SHROOM3: variants seen among roughly 807,000 people sequenced by gnomAD.
SHROOM3 encodes the protein shroom family member 3.
In SHROOM3, 47 loss-of-function variants were observed where a neutral mutation model predicts 138.6. The ratio of observed to expected loss-of-function variants is 0.34; its 90% confidence interval spans 0.27 to 0.43. SHROOM3 has a LOEUF of 0.43. SHROOM3 is among the 20% of genes least tolerant of loss of function. The probability of loss-of-function intolerance (pLI) is 1.00; values close to 1 mark genes in which losing one functional copy is unlikely to be tolerated. For missense variants in SHROOM3, 2,491 were observed against 2,596.5 expected (o/e 0.96, Z 0.88); for synonymous variants, 1,062 against 1,063.3 (o/e 1.00, Z 0.02).
intron 3 of SHROOM3, among the ~76,000 whole-genome samples, chr4:76,721,238 G>A (rs1560601622): frequency 1.3e-5 from 2 of 151,386 alleles, no homozygotes; most frequent in Non-Finnish European, 3.0e-5. Context: ...GTGAACCCGG[G>A]AGGCGGAGCT....
intron 1 of SHROOM3, among the ~76,000 whole-genome samples, chr4:76,547,137 A>G (rs1273800452): frequency 1.3e-5 from 2 of 152,240 alleles, no homozygotes; most frequent in African/African-American, 4.8e-5. Context: ...CTGAAAGAGA[A>G]GGATCAGAAC....
At chr4:76,708,230 A>G (rs950840461) in intron 2 of SHROOM3, among the ~76,000 whole-genome samples, 2 of 152,004 alleles carry the variant, frequency 1.3e-5, no homozygotes, top group African/African-American at 2.4e-5. Flanking sequence ...TATGTTCCTC[A>G]TGCTTCCATC....
At chr4:76,693,820 C>CT (rs71212443) in intron 2 of SHROOM3, among the ~76,000 whole-genome samples, 120 of 141,622 alleles carry the variant, frequency 8.5e-4, no homozygotes, top group Non-Finnish European at 1.4e-3. Flanking sequence ...AGGCAAACTC[C>CT]TTTTTTTTTT....
chr4:76,675,557 G>A (rs1175527939), intron 2 of SHROOM3, among the ~76,000 whole-genome samples: 1 of 152,124 alleles, frequency 6.6e-6, no homozygotes, highest in African/African-American at 2.4e-5. Context: ...TCAAAATCCT[G>A]GAGTATATTA....
intron 2 of SHROOM3, among the ~76,000 whole-genome samples, chr4:76,617,575 C>T (rs1206275488): frequency 2.0e-5 from 3 of 152,140 alleles, no homozygotes; most frequent in African/African-American, 7.2e-5. Flanking sequence ...CAGGCTTCAA[C>T]TTTGTAGACT....
chr4:76,503,347 T>G (rs1732140627), intron 1 of SHROOM3, among the ~76,000 whole-genome samples: 1 of 152,218 alleles, frequency 6.6e-6, no homozygotes, highest in African/African-American at 2.4e-5. Context: ...TTATACATAT[T>G]TCATTAGATT....
Position 76,740,199 on chromosome 4 carries a change from A to G in SHROOM3, c.2026A>G (p.Ser676Gly). 1 of 1,613,738 alleles carries G rather than the reference A, an allele frequency of 6.2e-7. No homozygotes were observed. The highest frequency in any genetic ancestry group is 1.3e-5 in the African/African-American group (1 of 75,072). The part of the protein sequence containing the change: ...QNIPESLRRH[S>G]SLELGRGTQE... The stretch of plus-strand genomic sequence containing the variant: ...CATTCCTGAGAGTCTGAGAAGACAC[A>G]GCAGCCTGGAGCTAGGCCGGGGAAC... Residue 676 changes from serine to glycine, a missense_variant, in exon 5 of 11, where the codon AGC becomes GGC. By Grantham distance (56) the Ser-to-Gly change is moderately conservative (BLOSUM62 0). Around this residue, in one of 4 missense-constraint regions of SHROOM3, gnomAD observed 1,733 missense variants for 1,661.6 expected, o/e 1.04. Coordinates refer to ENST00000296043, the MANE Select transcript of SHROOM3 (RefSeq NM_020859.4). The surrounding 1 kb of genome is among the most constrained non-coding windows in gnomAD (Gnocchi z 4.0).
intron 4 of SHROOM3, among the ~76,000 whole-genome samples, chr4:76,735,901 A>ATT (rs1426180643): frequency 2.4e-5 from 3 of 126,518 alleles, no homozygotes; most frequent in Non-Finnish European, 4.8e-5. Flanking sequence ...ATATATATAT[A>ATT]TATTTTAGTG....
chr4:76,642,539 C>A (rs1019029429), intron 2 of SHROOM3, among the ~76,000 whole-genome samples: 1 of 152,122 alleles, frequency 6.6e-6, no homozygotes, highest in African/African-American at 2.4e-5. Context: ...TAGGAATGCT[C>A]TTGTGGTTCT....
intron 10 of SHROOM3, among the ~76,000 whole-genome samples, chr4:76,774,600 T>C (rs1722481278): frequency 6.6e-6 from 1 of 152,030 alleles, no homozygotes; most frequent in Admixed American, 6.5e-5. Flanking sequence ...AAATATTTTA[T>C]ATATTTTTTA....
Position 76,739,325 on chromosome 4 carries a change from G to A in SHROOM3, c.1152G>A (p.Leu384=). The A allele has an allele frequency of 6.2e-7, 1 of 1,613,942 alleles. No individual in the cohort carries two copies. The highest frequency in any genetic ancestry group is 8.5e-7 in the Non-Finnish European group (1 of 1,179,906). Residue 384 remains leucine, a synonymous_variant, in exon 5 of 11, where the codon CTG becomes CTA. Coordinates refer to ENST00000296043, the MANE Select transcript of SHROOM3 (RefSeq NM_020859.4). ...TTCCTCCTAAGGTGGGTGCACCCCT[G>A]CCTCCAGCTCGGAGTGACAGTTACG... is the stretch of plus-strand genomic sequence containing the variant. ...DNLPPKVGAP[L]PPARSDSYAA...
intron 2 of SHROOM3, among the ~76,000 whole-genome samples, chr4:76,665,492 C>T (rs1264158171): frequency 1.3e-5 from 2 of 152,204 alleles, no homozygotes; most frequent in African/African-American, 2.4e-5. Context: ...ATATGGACTT[C>T]CTGCACCAGC....
At chr4:76,765,856 G>A (rs993819754) in intron 9 of SHROOM3, among the ~76,000 whole-genome samples, 9 of 152,136 alleles carry the variant, frequency 5.9e-5, no homozygotes, top group African/African-American at 1.9e-4. Context: ...TTGAGAAGTC[G>A]AATTTCTAGA....
intron 3 of SHROOM3, among the ~76,000 whole-genome samples, chr4:76,720,853 G>T (rs576592677): frequency 6.6e-6 from 1 of 151,476 alleles, no homozygotes; most frequent in African/African-American, 2.4e-5. Context: ...CTCGTGGTCC[G>T]CCCACCTCGG....
intron 2 of SHROOM3, among the ~76,000 whole-genome samples, chr4:76,650,595 A>C (rs1466579491): frequency 6.6e-6 from 1 of 151,718 alleles, no homozygotes. Context: ...CCCAGGCTGG[A>C]GTGCAGCGGT....
chr4:76,526,896 A>C (rs1732701300), intron 1 of SHROOM3, among the ~76,000 whole-genome samples: 2 of 152,206 alleles, frequency 1.3e-5, no homozygotes, highest in Non-Finnish European at 2.9e-5. Context: ...CCTGGTCATG[A>C]GTTTTCAGTG....
At chr4:76,476,217 A>C (rs1271359033) in intron 1 of SHROOM3, among the ~76,000 whole-genome samples, 1 of 152,154 alleles carries the variant, frequency 6.6e-6, no homozygotes. Context: ...TTTTTAGAAT[A>C]ATTTGAAAAC....
rs1733194795 is a variant in SHROOM3 at position 76,545,483 on chromosome 4, C to T, written c.169-10126C>T. Among the ~76,000 whole-genome samples the T allele has an allele frequency of 2.0e-5, 3 of 152,276 alleles. No individual in the cohort carries two copies. The South Asian group carries it at 6.2e-4, about 32-fold the overall frequency. ...CTCTCTCTGAAATAGAAACTTCCCTCCAAAGGAGAGACTGTCTCCTATTTC... is the reference window on the plus strand; with the variant it reads ...CTCTCTCTGAAATAGAAACTTCCCTTCAAAGGAGAGACTGTCTCCTATTTC... On this transcript the variant is annotated intron_variant, in intron 1 of 10. Coordinates refer to ENST00000296043, the MANE Select transcript of SHROOM3 (RefSeq NM_020859.4).
intron 1 of SHROOM3, among the ~76,000 whole-genome samples, chr4:76,531,105 A>G (rs1195646058): frequency 2.6e-5 from 4 of 152,168 alleles, no homozygotes; most frequent in East Asian, 1.9e-4. Context: ...AACTTCTTAC[A>G]GTATAACCAG....
Sources: gnomAD v4.1 joint callset for allele counts (sites outside exome capture counted in the v4.1 genomes callset) on GRCh38, gnomAD v4.1.1 for gene constraint, gnomAD v4.1.1 regional missense constraint, Gnocchi (gnomAD v3.1) non-coding constraint, MANE v1.5 for transcripts, NCBI Gene and HGNC (gene_info 2026-07-23, HGNC 2026-07-21) for gene names.